The following NCAM2 variants were observed in gnomAD, a reference collection of about 807,000 sequenced individuals.
NCAM2 encodes the protein N-CAM-2.
A neutral mutation model predicts 98.1 loss-of-function variants in NCAM2; 30 were observed. That is an observed-to-expected ratio of 0.31 (90% CI 0.23 to 0.41). The LOEUF (loss-of-function observed/expected upper bound fraction) is 0.41, where lower values mean the gene tolerates loss of function less well. Ranked by LOEUF, NCAM2 falls within the 10% of genes least tolerant of loss-of-function variation. The pLI is 1.00. For synonymous variants in NCAM2, 368 were observed against 342.4 expected, an observed-to-expected ratio of 1.07 and a Z score of -0.83; for missense variants, 867 against 1,005.8, an observed-to-expected ratio of 0.86 and a Z score of 1.87.
chr21:21,106,846 T>G (rs2066359568), intron 1 of NCAM2, among the ~76,000 whole-genome samples: 1 of 152,112 alleles, frequency 6.6e-6, no homozygotes, highest in South Asian at 2.1e-4. Flanking sequence ...TTTTAAAAAT[T>G]GTTAACATGA....
intron 16 of NCAM2, among the ~76,000 whole-genome samples, chr21:21,530,505 T>C (rs548766360): frequency 9.9e-5 from 15 of 150,878 alleles, no homozygotes; most frequent in Non-Finnish European, 1.9e-4. Flanking sequence ...TCCTTCCCAA[T>C]AATTTTCCAT....
At chr21:21,438,350 C>A (rs111457120) in intron 12 of NCAM2, among the ~76,000 whole-genome samples, 44 of 152,144 alleles carry the variant, frequency 2.9e-4, no homozygotes, top group Non-Finnish European at 5.1e-4. Flanking sequence ...TTAAATAAAT[C>A]ATTAACAAAT....
chr21:21,284,628 GT>G (rs2073040398), intron 3 of NCAM2, among the ~76,000 whole-genome samples: 1 of 151,346 alleles, frequency 6.6e-6, no homozygotes, highest in South Asian at 2.1e-4. Flanking sequence ...TAATAAAAAT[GT>G]TTTCATTTTC....
In NCAM2 at chr21:21,236,031, T is replaced by C. The variant is rs73896622; in HGVS notation, c.56-44547T>C. 2.4e-3 allele frequency among the ~76,000 whole-genome samples: 366 copies of C among 152,176 alleles called. 2 individuals are homozygous for C. Among genetic ancestry groups the C allele is most frequent in the African/African-American group, 8.3e-3 (347 of 41,576 alleles). ...GAATGAAGTCAAGCACCCATTACCA[T>C]TCTTAACTCATGGAATGACCAGGGA... is the stretch of plus-strand genomic sequence containing the variant. On this transcript the variant is annotated intron_variant, in intron 1 of 17. Transcript: ENST00000400546.
intron 11 of NCAM2, among the ~76,000 whole-genome samples, chr21:21,431,343 G>A (rs232400): frequency 4.7e-5 from 7 of 147,406 alleles, no homozygotes; most frequent in Non-Finnish European, 8.9e-5. Flanking sequence ...CTAGTTCTGC[G>A]TGCTCTGCCT....
chr21:21,395,464 C>T (rs2076483591), intron 9 of NCAM2, among the ~76,000 whole-genome samples: 1 of 152,100 alleles, frequency 6.6e-6, no homozygotes, highest in African/African-American at 2.4e-5. Flanking sequence ...TCTACAAATT[C>T]AATGCAATTC....
chr21:21,455,863 A>G (rs1982069872), intron 12 of NCAM2, among the ~76,000 whole-genome samples: 1 of 152,068 alleles, frequency 6.6e-6, no homozygotes, highest in Non-Finnish European at 1.5e-5. Flanking sequence ...TTGAAAAATA[A>G]CAAGCAATTT....
At chr21:21,484,890 A>T (rs1986213838) in intron 15 of NCAM2, among the ~76,000 whole-genome samples, 1 of 152,148 alleles carries the variant, frequency 6.6e-6, no homozygotes, top group Non-Finnish European at 1.5e-5. Flanking sequence ...TGTACTTGAA[A>T]CTTAAGCCTT....
intron 8 of NCAM2, among the ~76,000 whole-genome samples, chr21:21,341,708 C>CT (rs5842918): frequency 0.66 from 94,683 of 142,688 alleles, 31,599 homozygotes; most frequent in Non-Finnish European, 0.74. Context: ...TAACAATATT[C>CT]TTTTTTTTTT....
At position 21,331,517 on chromosome 21, in the gene NCAM2, C is replaced by CTCTCTCTCTCTCTCTCTCTATATA. The variant is rs1483062198; in HGVS notation, c.738-3987_738-3986insCTCTCTCTCTCTCTCTCTATATAT. 8.6e-4 allele frequency among the ~76,000 whole-genome samples: 6 copies of CTCTCTCTCTCTCTCTCTCTATATA among 6,938 alleles called. No individual in the cohort carries two copies. In the East Asian group the frequency reaches 9.0e-3, roughly 10 times the overall value. The allele number at this position is 6,938 out of a possible 152,430, so 4.6% of individuals were successfully genotyped here. On this transcript the variant is annotated intron_variant, in intron 6 of 17. Coordinates refer to ENST00000400546, the MANE Select transcript of NCAM2 (RefSeq NM_004540.5). ...TATATATACTCTATACTCTCTCTCT[C>CTCTCTCTCTCTCTCTCTCTATATA]TATATATATATATATATACTCTATA...
At chr21:21,402,376 G>T (rs2076649999) in intron 9 of NCAM2, among the ~76,000 whole-genome samples, 1 of 152,056 alleles carries the variant, frequency 6.6e-6, no homozygotes, top group African/African-American at 2.4e-5. Flanking sequence ...ACTGAGATAG[G>T]CCCTGGAGTC....
intron 1 of NCAM2, among the ~76,000 whole-genome samples, chr21:21,048,714 C>A (rs371626912): frequency 6.6e-6 from 1 of 152,166 alleles, no homozygotes; most frequent in Non-Finnish European, 1.5e-5. Flanking sequence ...TACAACCAAG[C>A]TGTACTCCAA....
At chr21:21,215,578 A>G (rs2069860725) in intron 1 of NCAM2, among the ~76,000 whole-genome samples, 1 of 151,976 alleles carries the variant, frequency 6.6e-6, no homozygotes, top group African/African-American at 2.4e-5. Context: ...CAAAAACAAA[A>G]TTAGCCGGGC....
intron 1 of NCAM2, among the ~76,000 whole-genome samples, chr21:21,034,142 A>C (rs2064750987): frequency 6.6e-6 from 1 of 152,070 alleles, no homozygotes; most frequent in Non-Finnish European, 1.5e-5. Context: ...AGTCCTGAGA[A>C]TAGGTCAGTT....
chr21:21,002,642 G>C (rs1462691767), intron 1 of NCAM2, among the ~76,000 whole-genome samples: 2 of 151,878 alleles, frequency 1.3e-5, no homozygotes, highest in Non-Finnish European at 2.9e-5. Flanking sequence ...CTCTTTTCAG[G>C]GTCATCTCTC....
chr21:21,053,303 C>G (rs2065147947), intron 1 of NCAM2, among the ~76,000 whole-genome samples: 1 of 151,970 alleles, frequency 6.6e-6, no homozygotes, highest in Non-Finnish European at 1.5e-5. Context: ...CTTAGGTTTT[C>G]TCTAATTCCA....
At chr21:21,457,557 T>C (rs1409684317) in intron 12 of NCAM2, among the ~76,000 whole-genome samples, 4 of 152,014 alleles carry the variant, frequency 2.6e-5, no homozygotes, top group Admixed American at 2.0e-4. Context: ...AGATAATTGC[T>C]TGAACCCAGG....
chr21:21,276,329 A>G (rs1021185949), intron 1 of NCAM2, among the ~76,000 whole-genome samples: 2 of 152,122 alleles, frequency 1.3e-5, no homozygotes, highest in African/African-American at 2.4e-5. Flanking sequence ...ATAAATACTT[A>G]TGAGTATAGT....
intron 1 of NCAM2, among the ~76,000 whole-genome samples, chr21:21,052,150 A>ATTTT (rs5842877): frequency 1.1e-4 from 8 of 74,806 alleles, no homozygotes; most frequent in African/African-American, 4.1e-4. Flanking sequence ...CATGATGGCC[A>ATTTT]TTTTTTTTTT....
Sources: gnomAD v4.1 joint callset for allele counts (sites outside exome capture counted in the v4.1 genomes callset) on GRCh38, gnomAD v4.1.1 for gene constraint, MANE v1.5 for transcripts, NCBI Gene and HGNC (gene_info 2026-07-23, HGNC 2026-07-21) for gene names.